Variants in FER observed in about 807,000 individuals in gnomAD.
The protein encoded by FER is FER tyrosine kinase.
A neutral mutation model predicts 111.0 loss-of-function variants in FER; 63 were observed. The ratio of observed to expected loss-of-function variants is 0.57; its 90% CI spans 0.46 to 0.70. The LOEUF (loss-of-function observed/expected upper bound fraction) is 0.70, where lower values mean the gene tolerates loss of function less well. FER is among the 30% of genes least tolerant of loss of function. FER has a pLI of 0.00. For missense variants in FER, 914 were observed against 954.0 expected (o/e 0.96, Z 0.55); for synonymous variants, 327 against 313.9 (o/e 1.04, Z -0.44).
At chr5:108,923,575 C>A (rs1229070324) in intron 10 of FER, among the ~76,000 whole-genome samples, 1 of 151,946 alleles carries the variant, frequency 6.6e-6, no homozygotes, top group African/African-American at 2.4e-5. Context: ...GTAGTTGTAT[C>A]TTTGTTTAAA....
At chr5:109,108,120 T>C (rs1235900654) in intron 17 of FER, among the ~76,000 whole-genome samples, 2 of 152,134 alleles carry the variant, frequency 1.3e-5, no homozygotes, top group East Asian at 3.9e-4. Context: ...CGTACACTCA[T>C]GGAGAGCTCA....
At chr5:109,093,669 C>G (rs1011242355) in intron 16 of FER, among the ~76,000 whole-genome samples, 2 of 151,786 alleles carry the variant, frequency 1.3e-5, no homozygotes, top group African/African-American at 2.4e-5. Context: ...AATATTTTAC[C>G]CTTTTTAAAT....
chr5:108,923,511 G>A (rs1165366521), intron 10 of FER, among the ~76,000 whole-genome samples: 1 of 151,740 alleles, frequency 6.6e-6, no homozygotes, highest in Non-Finnish European at 1.5e-5. Flanking sequence ...CTTGAACTTT[G>A]GTCCCTTAGA....
At chr5:109,174,730 C>A (rs1582392205) in intron 17 of FER, among the ~76,000 whole-genome samples, 1 of 152,080 alleles carries the variant, frequency 6.6e-6, no homozygotes, top group South Asian at 2.1e-4. Context: ...CACTTCCTTT[C>A]CTAAAGGTCA....
At position 109,186,313 on chromosome 5, in the gene FER, G is replaced by A. The variant is rs1275882062; in HGVS notation, c.2317G>A (p.Val773Ile). ...GACAAATCAGCAAGCAAGAGAGCAA[G>A]TAGAAAGAGGTGAGCCAAGTACATT... ...GMTNQQAREQ[V>I]ERGYRMSAPQ... Residue 773 changes from valine (V) to isoleucine (I), a missense_variant, in exon 19 of 20, where the codon GTA (valine) becomes ATA (isoleucine). Val to Ile is a conservative substitution (Grantham distance 29). Transcript: ENST00000281092. 6.2e-7 allele frequency: 1 copy of A among 1,614,092 alleles called. No homozygotes were observed. Among genetic ancestry groups the A allele is most frequent in the East Asian group, 2.2e-5 (1 of 44,868 alleles).
intron 16 of FER, among the ~76,000 whole-genome samples, chr5:109,066,199 A>G (rs185237615): frequency 3.9e-5 from 6 of 152,288 alleles, no homozygotes; most frequent in Admixed American, 3.3e-4. Flanking sequence ...AATATATCTC[A>G]TAAGATGATA....
intron 13 of FER, among the ~76,000 whole-genome samples, chr5:109,013,691 C>T (rs201309286): frequency 0.051 from 7,729 of 151,764 alleles, 213 homozygotes; most frequent in South Asian, 0.11. Flanking sequence ...TTTACAGTCC[C>T]ACCAACAGTG....
At position 108,873,850 on chromosome 5, in the gene FER, G is replaced by A. The variant is rs534267205; in HGVS notation, c.923+1638G>A. ...CCTCCCAAACAAAGAATTATCTGGTGAAAATATCAGTAGTGTTGAGGCTGA... is the reference window on the plus strand; with the variant it reads ...CCTCCCAAACAAAGAATTATCTGGTAAAAATATCAGTAGTGTTGAGGCTGA... On this transcript the variant is annotated intron_variant, in intron 8 of 19. Coordinates refer to ENST00000281092, the MANE Select transcript of FER (RefSeq NM_005246.4). Among the ~76,000 whole-genome samples the A allele has an allele frequency of 1.4e-4, 21 of 152,280 alleles. No individual in the cohort carries two copies. In the South Asian group the frequency reaches 4.1e-3, roughly 30 times the overall value.
At chr5:109,092,945 C>T (rs1747013872) in intron 16 of FER, among the ~76,000 whole-genome samples, 1 of 152,058 alleles carries the variant, frequency 6.6e-6, no homozygotes, top group African/African-American at 2.4e-5. Flanking sequence ...AAAATTGTGC[C>T]AAATGCTACA....
chr5:108,928,396 A>G (rs1350067371), intron 10 of FER, among the ~76,000 whole-genome samples: 1 of 152,226 alleles, frequency 6.6e-6, no homozygotes, highest in Non-Finnish European at 1.5e-5. Context: ...TTTTAAAGCT[A>G]TGTATATATT....
At chr5:109,114,742 C>A (rs191985252) in intron 17 of FER, among the ~76,000 whole-genome samples, 1 of 151,950 alleles carries the variant, frequency 6.6e-6, no homozygotes, top group Non-Finnish European at 1.5e-5. Context: ...TTTTACAGAC[C>A]CATACTCCAA....
chr5:108,770,250 G>A (rs528022063), intron 2 of FER, among the ~76,000 whole-genome samples: 7 of 152,204 alleles, frequency 4.6e-5, no homozygotes, highest in South Asian at 4.1e-4. Flanking sequence ...GCCTGGCCTT[G>A]TATAATTTTT....
chr5:108,946,214 T>G lies in FER; in HGVS notation c.1321T>G (p.Ser441Ala), dbSNP rs567745658. ...IIRSPKSALG[S>A]SALSDMISIS... ...TAGGTCTCCAAAATCTGCACTGGGC[T>G]CTTCAGCAGTAAGTAGGATTAACTC... The change falls in exon 11 of 20, where the codon TCT (serine) becomes GCT (alanine). Residue 441 changes from serine to alanine, a missense_variant. Physicochemically the swap from Ser to Ala is moderately conservative, Grantham distance 99. Coordinates refer to ENST00000281092, the MANE Select transcript of FER (RefSeq NM_005246.4). 1 of 1,609,892 alleles carries G rather than the reference T, an allele frequency of 6.2e-7. No homozygotes were observed. Among genetic ancestry groups the G allele is most frequent in the South Asian group, 1.1e-5 (1 of 90,976 alleles).
intron 17 of FER, among the ~76,000 whole-genome samples, chr5:109,102,486 T>C (rs1462188154): frequency 6.6e-6 from 1 of 152,286 alleles, no homozygotes; most frequent in East Asian, 1.9e-4. Context: ...ATTAGTCACA[T>C]CTGCCAGGGT....
At chr5:108,973,318 A>G (rs1369340020) in intron 13 of FER, among the ~76,000 whole-genome samples, 3 of 152,186 alleles carry the variant, frequency 2.0e-5, no homozygotes, top group Non-Finnish European at 4.4e-5. Flanking sequence ...CTTGTCCCAC[A>G]TTCTATTTTA....
intron 5 of FER, among the ~76,000 whole-genome samples, chr5:108,858,458 C>T (rs1763205356): frequency 6.6e-6 from 1 of 152,102 alleles, no homozygotes; most frequent in Non-Finnish European, 1.5e-5. Flanking sequence ...AAAGTTACTT[C>T]CCTACTCCTT....
Position 108,832,958 on chromosome 5 carries a change from A to T in FER, c.381+15A>T. 1 of 1,522,380 alleles carries T rather than the reference A, an allele frequency of 6.6e-7. No homozygotes were observed. Among genetic ancestry groups the T allele is most frequent in the Non-Finnish European group, 8.8e-7 (1 of 1,132,104 alleles). The allele number at this position is 1,522,380 out of a possible 1,614,324, so 94.3% of individuals were successfully genotyped here. A position where few individuals can be genotyped will look rare whatever the true frequency, so the allele number is the denominator to read the frequency against. On this transcript the variant is annotated intron_variant, in intron 4 of 19. Transcript: ENST00000281092. Reference sequence around the variant, plus strand: ...AGATGATCAAGGTTCGTTTTTCCATATTGAAGTTCTTTCTTGAAATTGTTT... The same window carrying T: ...AGATGATCAAGGTTCGTTTTTCCATTTTGAAGTTCTTTCTTGAAATTGTTT...
At chr5:108,904,269 GA>G (rs1750440222) in intron 10 of FER, among the ~76,000 whole-genome samples, 2 of 152,148 alleles carry the variant, frequency 1.3e-5, no homozygotes, top group East Asian at 1.9e-4. Context: ...AAATTCTTTT[GA>G]AAAAAAGCAA....
In FER at chr5:108,901,146, T is replaced by C. The variant is rs562088323; in HGVS notation, c.1236+3298T>C. ...GGAGGATGCAGTCTTCAGTGGTCCATCTTGGAATTGGAGATTGGGCTCTTT... is the reference window on the plus strand; with the variant it reads ...GGAGGATGCAGTCTTCAGTGGTCCACCTTGGAATTGGAGATTGGGCTCTTT... On this transcript the variant is annotated intron_variant, in intron 10 of 19. Transcript: ENST00000281092. Among the ~76,000 whole-genome samples, 3 of 142,574 alleles carry C rather than the reference T, an allele frequency of 2.1e-5. No homozygotes were observed. The South Asian group carries it at 7.4e-4, about 35-fold the overall frequency. The allele number at this position is 142,574 out of a possible 152,430, so 93.5% of individuals were successfully genotyped here.
Sources: gnomAD v4.1 joint callset for allele counts (sites outside exome capture counted in the v4.1 genomes callset) on GRCh38, gnomAD v4.1.1 for gene constraint, MANE v1.5 for transcripts, NCBI Gene and HGNC (gene_info 2026-07-23, HGNC 2026-07-21) for gene names.